Variants in SLC26A7 observed in about 807,000 individuals in gnomAD.
SLC26A7 encodes the protein anion exchange transporter.
Under a neutral mutation model 82.5 loss-of-function variants are expected in SLC26A7, and 59 were observed. That is an observed-to-expected ratio of 0.72 (90% CI 0.58 to 0.89). The LOEUF is 0.89. SLC26A7 is among the 40% of genes least tolerant of loss of function. The probability of loss-of-function intolerance (pLI) is 0.00; values close to 1 mark genes in which losing one functional copy is unlikely to be tolerated. For synonymous variants in SLC26A7, 271 were observed against 274.3 expected, an observed-to-expected ratio of 0.99 and a Z score of 0.12; for missense variants, 820 against 793.0, an observed-to-expected ratio of 1.03 and a Z score of -0.41.
intron 2 of SLC26A7, among the ~76,000 whole-genome samples, chr8:91,250,253 T>C (rs1319593393): frequency 6.6e-6 from 1 of 152,128 alleles, no homozygotes; most frequent in East Asian, 1.9e-4. Context: ...TTACCTGTTG[T>C]AGCCTTGAGA....
chr8:91,393,818 A>G lies in SLC26A7; in HGVS notation c.1798A>G (p.Arg600Gly). ...LVEVYMDCKGRSVDVLLAHCT... is the reference protein window; with the variant it reads ...LVEVYMDCKGGSVDVLLAHCT... ...CCAGGTTTACATGGACTGTAAAGGC[A>G]GGAGTGTGGATGTATTGTTAGCCCA... Residue 600 changes from arginine to glycine, a missense_variant, in exon 17 of 19, where the codon AGG becomes GGG. By Grantham distance (125) the Arg-to-Gly change is moderately radical. Transcript: ENST00000276609. The G allele has an allele frequency of 6.2e-7, 1 of 1,613,694 alleles. No individual in the cohort carries two copies. Among genetic ancestry groups the G allele is most frequent in the Non-Finnish European group, 8.5e-7 (1 of 1,179,620 alleles).
rs1389360961 is a variant in SLC26A7, at chr8:91,239,430, ATATATGTG to A, written c.-33-10175_-33-10168del. On this transcript the variant is annotated intron_variant, in intron 2 of 5. Transcript: ENST00000522862. ...TATATATGTATATGTATATATATGT[ATATATGTG>A]TATATGTGTATATACGTATATATAT... Among the ~76,000 whole-genome samples the A allele has an allele frequency of 1.2e-4, 18 of 147,056 alleles. No homozygotes were observed. In the East Asian group the frequency reaches 3.0e-3, roughly 24 times the overall value.
chr8:91,229,013 G>GACAA (rs1563635472), intron 2 of SLC26A7, among the ~76,000 whole-genome samples: 1 of 152,170 alleles, frequency 6.6e-6, no homozygotes, highest in East Asian at 1.9e-4. Context: ...CCAAACTTAG[G>GACAA]AGTGGACGGA....
intron 9 of SLC26A7, among the ~76,000 whole-genome samples, chr8:91,346,874 T>G (rs1813577939): frequency 6.6e-6 from 1 of 152,132 alleles, no homozygotes; most frequent in African/African-American, 2.4e-5. Context: ...GAGGCTGCCT[T>G]TCCCTTCCTC....
intron 2 of SLC26A7, among the ~76,000 whole-genome samples, chr8:91,285,421 A>T (rs545942783): frequency 1.9e-4 from 29 of 152,248 alleles, no homozygotes; most frequent in Non-Finnish European, 3.7e-4. Flanking sequence ...GTCTTCTTTT[A>T]TAAGGACACC....
rs35021504 is a variant in SLC26A7 at position 91,353,392 on chromosome 8, C to T, written c.1314+396C>T. 2.0e-3 allele frequency among the ~76,000 whole-genome samples: 312 copies of T among 152,206 alleles called. 3 individuals are homozygous for T. Among genetic ancestry groups the T allele is most frequent in the Admixed American group, 5.4e-3 (83 of 15,278 alleles). The stretch of plus-strand genomic sequence containing the variant: ...TGAATCACTAAGAATGCACGCTGCG[C>T]GCATATAGGGTGAACCTCTTAATGG... On this transcript the variant is annotated intron_variant, in intron 11 of 18. Coordinates refer to ENST00000276609, the MANE Select transcript of SLC26A7 (RefSeq NM_052832.4).
intron 2 of SLC26A7, among the ~76,000 whole-genome samples, chr8:91,271,164 C>T (rs1350317850): frequency 6.6e-6 from 1 of 152,224 alleles, no homozygotes; most frequent in Non-Finnish European, 1.5e-5. Context: ...CTACCCCAAC[C>T]ATTCCATTTC....
intron 5 of SLC26A7, among the ~76,000 whole-genome samples, chr8:91,318,730 A>C (rs1400559371): frequency 3.3e-5 from 5 of 152,174 alleles, no homozygotes; most frequent in African/African-American, 1.2e-4. Flanking sequence ...ACTCCCCCAC[A>C]TTCTTTCAGT....
rs993401206 is a variant in SLC26A7 at position 91,348,410 on chromosome 8, T to TA, written c.1141-3395dup. 2.4e-5 allele frequency: 23 copies of TA among 940,656 alleles called. No homozygotes were observed. In the East Asian group the frequency reaches 5.8e-4, roughly 24 times the overall value. The allele number at this position is 940,656 out of a possible 1,614,324, so 58.3% of individuals were successfully genotyped here. On this transcript the variant is annotated intron_variant, in intron 9 of 18. Transcript: ENST00000276609. ...CAACGAAATATCTAGGTATGGATAA[T>TA]AAAAATGCATGTATGGTCATCTTTG... is the stretch of plus-strand genomic sequence containing the variant.
chr8:91,232,452 C>T (rs1810322398), intron 2 of SLC26A7, among the ~76,000 whole-genome samples: 1 of 152,220 alleles, frequency 6.6e-6, no homozygotes, highest in Non-Finnish European at 1.5e-5. Context: ...TCCTTTTCCA[C>T]TGCAACATAC....
At chr8:91,245,562 TC>T (rs1422317394), upstream of SLC26A7, among the ~76,000 whole-genome samples, 2 of 152,118 alleles carry the variant, frequency 1.3e-5, no homozygotes, top group Non-Finnish European at 2.9e-5. Context: ...ATGCTGTAGA[TC>T]AACTTCCTGA....
intron 4 of SLC26A7, among the ~76,000 whole-genome samples, chr8:91,299,642 CCTTTAACTCTATT>C (rs1342655955): frequency 6.6e-6 from 1 of 151,998 alleles, no homozygotes; most frequent in Non-Finnish European, 1.5e-5. Context: ...ATTCTACTGC[CCTTTAACTCTATT>C]CTTGTGACTG....
At chr8:91,221,252 G>A (rs1352786514) in intron 2 of SLC26A7, among the ~76,000 whole-genome samples, 2 of 152,124 alleles carry the variant, frequency 1.3e-5, no homozygotes, top group African/African-American at 2.4e-5. Context: ...TAAGTTCCTT[G>A]TAAATTCTGG....
intron 2 of SLC26A7, among the ~76,000 whole-genome samples, chr8:91,276,709 G>A (rs1464347949): frequency 1.3e-5 from 2 of 152,268 alleles, no homozygotes; most frequent in African/African-American, 4.8e-5. Flanking sequence ...GTTAAAATTT[G>A]CTGAAGCAGA....
chr8:91,276,615 G>A (rs945963562), intron 2 of SLC26A7, among the ~76,000 whole-genome samples: 4 of 152,120 alleles, frequency 2.6e-5, no homozygotes, highest in Non-Finnish European at 5.9e-5. Flanking sequence ...TTTCCTTCCT[G>A]TAATAATTGG....
At chr8:91,283,553 G>T (rs1811629978) in intron 2 of SLC26A7, among the ~76,000 whole-genome samples, 1 of 152,050 alleles carries the variant, frequency 6.6e-6, no homozygotes, top group Non-Finnish European at 1.5e-5. Flanking sequence ...CTTCTTGTTG[G>T]TATTTTCTCC....
At chr8:91,278,026 C>A (rs982299168) in intron 2 of SLC26A7, among the ~76,000 whole-genome samples, 1 of 152,220 alleles carries the variant, frequency 6.6e-6, no homozygotes, top group East Asian at 1.9e-4. Flanking sequence ...ATCGTTGGGA[C>A]CATGCCCCCT....
chr8:91,216,692 C>G (rs1472409544), intron 1 of SLC26A7, among the ~76,000 whole-genome samples: 2 of 152,090 alleles, frequency 1.3e-5, no homozygotes, highest in African/African-American at 4.8e-5. Context: ...TCTCCAACCA[C>G]AATTTCATCA....
intron 13 of SLC26A7, 47 bp from the exon 14 acceptor site, chr8:91,366,533 T>C (rs1814195839): frequency 3.8e-6 from 6 of 1,587,178 alleles, no homozygotes; most frequent in East Asian, 2.2e-5. Flanking sequence ...GTTTATTGGC[T>C]ATAATTTTCT....
Sources: allele counts gnomAD v4.1 joint callset (sites outside exome capture counted in the v4.1 genomes callset), GRCh38; gene constraint gnomAD v4.1.1; transcripts MANE v1.5; gene names NCBI Gene and HGNC (gene_info 2026-07-23, HGNC 2026-07-21).